COL4A4: variants seen among roughly 807,000 people sequenced by gnomAD.
COL4A4 encodes collagen type IV alpha 4 chain, also known as collagen alpha-4(IV) chain.
COL4A4 carries 105 observed loss-of-function variants against 192.9 expected under a neutral mutation model. The observed-to-expected ratio is 0.54, with a 90% CI of 0.46 to 0.64. The LOEUF (loss-of-function observed/expected upper bound fraction) is 0.64, where lower values mean the gene tolerates loss of function less well. Among genes scored for constraint, COL4A4 ranks in the 30% least tolerant of loss-of-function variants. The pLI is 0.00. For missense variants in COL4A4, 1,967 were observed against 2,169.3 expected (o/e 0.91, Z 1.85); for synonymous variants, 762 against 769.9 (o/e 0.99, Z 0.17).
chr2:227,042,109 C>T, intron 37 of COL4A4, 39 bp downstream of exon 37: 1 of 1,281,928 alleles, frequency 7.8e-7, no homozygotes, highest in Non-Finnish European at 1.1e-6. Context: ...CCTCATTGGG[C>T]TGCATCTTTC....
downstream of COL4A4, among the ~76,000 whole-genome samples, chr2:227,001,410 T>C (rs1322588655): frequency 6.6e-6 from 1 of 152,080 alleles, no homozygotes; most frequent in African/African-American, 2.4e-5. Flanking sequence ...AATAGCTCTG[T>C]CCTCATGGGT....
intron 26 of COL4A4, among the ~76,000 whole-genome samples, chr2:227,060,615 C>T (rs2150292196): frequency 6.6e-6 from 1 of 152,128 alleles, no homozygotes; most frequent in South Asian, 2.1e-4. Flanking sequence ...CCAGTGTCTA[C>T]CTTGACAAGA....
chr2:227,054,554 CCA>C, intron 31 of COL4A4, 38 bp downstream of exon 31: 2 of 1,612,414 alleles, frequency 1.2e-6, no homozygotes, highest in Non-Finnish European at 1.7e-6. Flanking sequence ...GGATCAAATA[CCA>C]GAAACAAATG....
intron 2 of COL4A4, 168 bp downstream of exon 2, chr2:227,147,245 T>C (rs1178241349): frequency 1.3e-6 from 1 of 742,626 alleles, no homozygotes; most frequent in Admixed American, 1.7e-5. Context: ...ATTGAGAGGG[T>C]TGGTGTTCAA....
intron 18 of COL4A4, 84 bp from the exon 19 acceptor site, chr2:227,098,882 A>G (rs546820194): frequency 3.6e-6 from 4 of 1,117,368 alleles, no homozygotes; most frequent in Non-Finnish European, 4.0e-6. Flanking sequence ...TGTGAGACTC[A>G]GTAAAGTATA....
At position 227,060,120 on chromosome 2, in the gene COL4A4, A is replaced by AAAAAAAAAAAC. The variant is rs1559522801; in HGVS notation, c.2164+15_2164+16insGTTTTTTTTTT. On this transcript the variant is annotated intron_variant, in intron 27 of 47. Coordinates refer to ENST00000396625, the MANE Select transcript of COL4A4 (RefSeq NM_000092.5). ...AAAGCAGAAAAAAAAAAAAAAAAAA[A>AAAAAAAAAAAC]AAAAACCTCACTGACCAGGTGGACC... 7.1e-6 allele frequency: 10 copies of AAAAAAAAAAAC among 1,403,834 alleles called. No homozygotes were observed. The highest frequency in any genetic ancestry group is 2.0e-5 in the Admixed American group (1 of 49,092). 87.0% of individuals were successfully genotyped at this position (1,403,834 alleles called of 1,614,324 possible).
At chr2:227,109,331 T>C in intron 9 of COL4A4, 45 bp from the exon 10 acceptor site, 2 of 1,506,090 alleles carry the variant, frequency 1.3e-6, no homozygotes, top group South Asian at 1.1e-5. Flanking sequence ...AAAATTGTAA[T>C]CATCTTTCAC....
chr2:227,052,464 A>C, intron 31 of COL4A4, 52 bp from the exon 32 acceptor site: 1 of 1,060,456 alleles, frequency 9.4e-7, no homozygotes, highest in Non-Finnish European at 1.5e-6. Context: ...TCACACACAT[A>C]ATTTATCCAT....
chr2:227,151,227 A>G (rs1314517444), intron 1 of COL4A4, among the ~76,000 whole-genome samples: 3 of 152,212 alleles, frequency 2.0e-5, no homozygotes, highest in Non-Finnish European at 4.4e-5. Context: ...TTTCTCTGCA[A>G]CAAAATACTT....
chr2:227,071,015 C>T (rs2058690527), intron 25 of COL4A4, among the ~76,000 whole-genome samples: 1 of 151,986 alleles, frequency 6.6e-6, no homozygotes, highest in African/African-American at 2.4e-5. Context: ...GAAAAGACAA[C>T]TATCTGGGTA....
chr2:227,090,364 A>C (rs2059847979), intron 20 of COL4A4, among the ~76,000 whole-genome samples: 2 of 152,228 alleles, frequency 1.3e-5, no homozygotes, highest in African/African-American at 4.8e-5. Context: ...TAGAAATAAA[A>C]TTTCAGAGAT....
chr2:227,121,284 G>A, intron 4 of COL4A4, 136 bp from the exon 5 acceptor site: 1 of 1,023,550 alleles, frequency 9.8e-7, no homozygotes, highest in Non-Finnish European at 1.4e-6. Context: ...ACAAATGGCT[G>A]GAGATGGTGG....
chr2:226,986,998 T>TA, the COL4A4 span, among the ~76,000 whole-genome samples: 2 of 152,030 alleles, frequency 1.3e-5, no homozygotes, highest in Non-Finnish European at 2.9e-5. Flanking sequence ...TATGCAGCCA[T>TA]AAAAAAGAAT....
At chr2:227,082,860 CA>C (rs1213115586) in intron 22 of COL4A4, among the ~76,000 whole-genome samples, 1 of 152,216 alleles carries the variant, frequency 6.6e-6, no homozygotes, top group Admixed American at 6.5e-5. Context: ...TTAACCACAA[CA>C]TTGCTCAAAT....
At chr2:227,016,951 G>A (rs534653218) in intron 44 of COL4A4, among the ~76,000 whole-genome samples, 3 of 152,214 alleles carry the variant, frequency 2.0e-5, no homozygotes, top group East Asian at 1.9e-4. Context: ...ACCTCTCCCC[G>A]GGGTGGCACT....
Position 227,123,040 on chromosome 2 carries a change from T to C in COL4A4, c.193-1892A>G, listed in dbSNP as rs1324150574. 1.3e-5 allele frequency among the ~76,000 whole-genome samples: 2 copies of C among 152,042 alleles called. No individual in the cohort carries two copies. Among genetic ancestry groups the C allele is most frequent in the African/African-American group, 4.8e-5 (2 of 41,410 alleles). Reference sequence around the variant, plus strand: ...CCACCACACCTGGCTAATTTTTGTATTTTTAGTAGAGACTGGGTTTCAGTA... The same window carrying C: ...CCACCACACCTGGCTAATTTTTGTACTTTTAGTAGAGACTGGGTTTCAGTA... On this transcript the variant is annotated intron_variant, in intron 4 of 47. Coordinates refer to ENST00000396625, the MANE Select transcript of COL4A4 (RefSeq NM_000092.5). This position sits in a 1 kb window ranked among gnomAD's most constrained non-coding sequence, Gnocchi z 4.6.
intron 26 of COL4A4, among the ~76,000 whole-genome samples, chr2:227,061,075 A>G (rs1236985263): frequency 5.3e-5 from 8 of 152,206 alleles, no homozygotes. Context: ...GAGTTATCTC[A>G]GCTAAAATAA....
chr2:227,098,593 TA>T, intron 19 of COL4A4, 100 bp downstream of exon 19: 1 of 904,410 alleles, frequency 1.1e-6, no homozygotes, highest in Non-Finnish European at 1.8e-6. Flanking sequence ...TACACAATCC[TA>T]AGGTGATTCC....
the COL4A4 span, among the ~76,000 whole-genome samples, chr2:226,991,672 A>AGC: frequency 3.3e-5 from 5 of 152,208 alleles, no homozygotes; most frequent in Admixed American, 6.5e-5. Context: ...CCAACAAAGG[A>AGC]GCTACTCAGT....
Sources: allele counts gnomAD v4.1 joint callset (sites outside exome capture counted in the v4.1 genomes callset), GRCh38; gene constraint gnomAD v4.1.1; non-coding constraint Gnocchi (gnomAD v3.1); transcripts MANE v1.5; gene names NCBI Gene and HGNC (gene_info 2026-07-23, HGNC 2026-07-21).